The following AGPAT3 variants were observed in gnomAD, a reference collection of about 807,000 sequenced individuals.
The protein encoded by AGPAT3 is 1-acylglycerol-3-phosphate O-acyltransferase 3, also known as 1-acyl-sn-glycerol-3-phosphate acyltransferase gamma.
A neutral mutation model predicts 47.3 loss-of-function variants in AGPAT3; 5 were observed. The ratio of observed to expected loss-of-function variants is 0.11; its 90% CI spans 0.06 to 0.22. The LOEUF is 0.22. Ranked by LOEUF, AGPAT3 falls within the 10% of genes least tolerant of loss-of-function variation. The probability of loss-of-function intolerance (pLI) is 1.00; values close to 1 mark genes in which losing one functional copy is unlikely to be tolerated. For synonymous variants in AGPAT3, 212 were observed against 208.3 expected, an observed-to-expected ratio of 1.02 and a Z score of -0.15; for missense variants, 315 against 493.0, an observed-to-expected ratio of 0.64 and a Z score of 3.42.
intron 2 of AGPAT3, among the ~76,000 whole-genome samples, chr21:43,937,671 C>T (rs1041837028): frequency 2.6e-5 from 4 of 152,192 alleles, no homozygotes; most frequent in African/African-American, 9.7e-5. Context: ...TCAGGTGATC[C>T]TCCTGCCTCC....
chr21:43,877,712 G>A (rs1287924669), intron 1 of AGPAT3, among the ~76,000 whole-genome samples: 1 of 152,116 alleles, frequency 6.6e-6, no homozygotes, highest in East Asian at 1.9e-4. Context: ...CCAAAGTGCT[G>A]GGATTACAGG....
chr21:43,944,593 G>A (rs1052389832), intron 2 of AGPAT3, among the ~76,000 whole-genome samples: 1 of 152,260 alleles, frequency 6.6e-6, no homozygotes, highest in Non-Finnish European at 1.5e-5. Flanking sequence ...CCCCAGAAAA[G>A]CACAGAAAAC....
chr21:43,906,637 C>T (rs1436711115), intron 2 of AGPAT3, among the ~76,000 whole-genome samples: 1 of 152,134 alleles, frequency 6.6e-6, no homozygotes, highest in Non-Finnish European at 1.5e-5. Flanking sequence ...AAAACTTTGG[C>T]AATATCTTCT....
intron 1 of AGPAT3, among the ~76,000 whole-genome samples, chr21:43,890,887 G>A (rs767548132): frequency 2.6e-5 from 4 of 152,012 alleles, no homozygotes; most frequent in Admixed American, 1.3e-4. Context: ...ACAGGCACCC[G>A]CCACCACGCC....
Position 43,920,253 on chromosome 21 carries a change from G to A in AGPAT3, c.-49+16234G>A, listed in dbSNP as rs2086861577. Among the ~76,000 whole-genome samples the A allele has an allele frequency of 6.6e-6, 1 of 152,034 alleles. No homozygotes were observed. The highest frequency in any genetic ancestry group is 6.6e-5 in the Admixed American group (1 of 15,248). On this transcript the variant is annotated intron_variant, in intron 2 of 9. Transcript: ENST00000291572. This position sits in a 1 kb window ranked among gnomAD's most constrained non-coding sequence, Gnocchi z 6.1. ...ATTGTGAGTGAGTGTGTGTGTGTAA[G>A]GGTGTGTGTAAAGCGTGAATGTGTC...
intron 1 of AGPAT3, among the ~76,000 whole-genome samples, chr21:43,874,029 C>G (rs149185694): frequency 8.1e-4 from 124 of 152,282 alleles, no homozygotes; most frequent in African/African-American, 2.9e-3. Context: ...AACTTTCTGT[C>G]ATAAGTATTT....
At chr21:43,903,071 C>T (rs926658937) in intron 1 of AGPAT3, among the ~76,000 whole-genome samples, 1 of 152,174 alleles carries the variant, frequency 6.6e-6, no homozygotes, top group Non-Finnish European at 1.5e-5. Flanking sequence ...GAATATTATC[C>T]AGCCTGAAAT....
intron 2 of AGPAT3, among the ~76,000 whole-genome samples, chr21:43,925,696 T>A (rs1034989534): frequency 1.3e-5 from 2 of 152,356 alleles, no homozygotes; most frequent in Admixed American, 1.3e-4. Context: ...GCCCCGTGGC[T>A]TGTTGCCCCT....
At position 43,922,158 on chromosome 21, in the gene AGPAT3, G is replaced by T. The variant is rs370519296; in HGVS notation, c.-49+18139G>T. Among the ~76,000 whole-genome samples, 4 of 152,280 alleles carry T rather than the reference G, an allele frequency of 2.6e-5. No homozygotes were observed. Among genetic ancestry groups the T allele is most frequent in the African/African-American group, 9.6e-5 (4 of 41,554 alleles). ...GGATGAGTCACCCGGGGGCCTTGGTGCATGTGGAGGCCCAGGCTTGTGGGG... is the reference window on the plus strand; with the variant it reads ...GGATGAGTCACCCGGGGGCCTTGGTTCATGTGGAGGCCCAGGCTTGTGGGG... On this transcript the variant is annotated intron_variant, in intron 2 of 9. Transcript: ENST00000291572. This position sits in a 1 kb window ranked among gnomAD's most constrained non-coding sequence, Gnocchi z 4.9.
In AGPAT3 at chr21:43,939,919, G is replaced by A. The variant is rs983130436; in HGVS notation, c.-48-19715G>A. 3.3e-5 allele frequency among the ~76,000 whole-genome samples: 5 copies of A among 152,208 alleles called. No homozygotes were observed. Among genetic ancestry groups the A allele is most frequent in the African/African-American group, 4.8e-5 (2 of 41,452 alleles). Reference sequence around the variant, plus strand: ...CCAAAAGCTGCTTATTGGATTAGCCGGTGCCCCGACGGCAGAGCCCGCAGC... The same window carrying A: ...CCAAAAGCTGCTTATTGGATTAGCCAGTGCCCCGACGGCAGAGCCCGCAGC... On this transcript the variant is annotated intron_variant, in intron 2 of 9. Coordinates refer to ENST00000291572, the MANE Select transcript of AGPAT3 (RefSeq NM_020132.5). This position sits in a 1 kb window ranked among gnomAD's most constrained non-coding sequence, Gnocchi z 4.4.
At chr21:43,956,297 T>C (rs1382180620) in intron 2 of AGPAT3, among the ~76,000 whole-genome samples, 1 of 152,210 alleles carries the variant, frequency 6.6e-6, no homozygotes, top group East Asian at 1.9e-4. Context: ...GCAGTGTGTC[T>C]GGGCGAGCAC....
intron 4 of AGPAT3, 128 bp downstream of exon 4, chr21:43,968,243 C>A: frequency 1.6e-6 from 1 of 626,492 alleles, no homozygotes. Flanking sequence ...GGGGTGGTGA[C>A]TGGGAGTGAG....
intron 2 of AGPAT3, among the ~76,000 whole-genome samples, chr21:43,914,199 C>T (rs188376170): frequency 9.0e-4 from 137 of 152,322 alleles, no homozygotes; most frequent in African/African-American, 3.1e-3. Context: ...CCCCTGCCTG[C>T]GAGGCCTGGG....
At chr21:43,977,723 T>C (rs2146894258) in intron 7 of AGPAT3, among the ~76,000 whole-genome samples, 1 of 150,974 alleles carries the variant, frequency 6.6e-6, no homozygotes, top group Admixed American at 6.6e-5. Context: ...TAAAAAAAAA[T>C]ACAAAGAAAA....
Position 43,954,060 on chromosome 21 carries a change from G to A in AGPAT3, c.-48-5574G>A, listed in dbSNP as rs1045361961. Among the ~76,000 whole-genome samples the A allele has an allele frequency of 1.3e-5, 2 of 152,222 alleles. No homozygotes were observed. Among genetic ancestry groups the A allele is most frequent in the Non-Finnish European group, 2.9e-5 (2 of 68,028 alleles). On this transcript the variant is annotated intron_variant, in intron 2 of 9. Coordinates refer to ENST00000291572, the MANE Select transcript of AGPAT3 (RefSeq NM_020132.5). This position sits in a 1 kb window ranked among gnomAD's most constrained non-coding sequence, Gnocchi z 4.0. Reference sequence around the variant, plus strand: ...AGACGTCAACTTCACATTGTCTGGGGATGCATAATTTCCTAAAAATCGCTC... The same window carrying A: ...AGACGTCAACTTCACATTGTCTGGGAATGCATAATTTCCTAAAAATCGCTC...
intron 1 of AGPAT3, among the ~76,000 whole-genome samples, chr21:43,869,153 A>T (rs958519896): frequency 2.0e-5 from 3 of 152,256 alleles, no homozygotes; most frequent in Non-Finnish European, 4.4e-5. Flanking sequence ...ATATGGAATC[A>T]AGAAGAAAAT....
chr21:43,884,681 G>A (rs996043777), intron 1 of AGPAT3, among the ~76,000 whole-genome samples: 44 of 151,888 alleles, frequency 2.9e-4, no homozygotes, highest in African/African-American at 1.1e-3. Context: ...CTGGATGCTG[G>A]GTGGCCTGGT....
chr21:43,980,961 C>G, intron 8 of AGPAT3, 28 bp from the exon 9 acceptor site: 1 of 1,596,750 alleles, frequency 6.3e-7, no homozygotes, highest in Non-Finnish European at 8.6e-7. Flanking sequence ...AAGCCTCACG[C>G]TTCCTTTTTC....
chr21:43,943,228 C>G (rs908389529), intron 2 of AGPAT3, among the ~76,000 whole-genome samples: 1 of 152,108 alleles, frequency 6.6e-6, no homozygotes, highest in Non-Finnish European at 1.5e-5. Flanking sequence ...GTGCCGGCCA[C>G]CACGCCCGGC....
Sources: gnomAD v4.1 joint callset for allele counts (sites outside exome capture counted in the v4.1 genomes callset) on GRCh38, gnomAD v4.1.1 for gene constraint, Gnocchi (gnomAD v3.1) non-coding constraint, MANE v1.5 for transcripts, NCBI Gene and HGNC (gene_info 2026-07-23, HGNC 2026-07-21) for gene names.